EVL: variants seen among roughly 807,000 people sequenced by gnomAD.
EVL encodes ena/VASP-like protein.
Under a neutral mutation model 59.6 loss-of-function variants are expected in EVL, and 21 were observed. The observed-to-expected ratio is 0.35, with a 90% confidence interval of 0.25 to 0.51. The LOEUF is 0.51. Ranked by LOEUF, EVL falls within the 20% of genes least tolerant of loss-of-function variation. EVL has a pLI of 0.97. For missense variants in EVL, 462 were observed against 546.6 expected (o/e 0.85, Z 1.54); for synonymous variants, 198 against 203.5 (o/e 0.97, Z 0.23).
chr14:99,981,966 T>C (rs1428592548), intron 1 of EVL, among the ~76,000 whole-genome samples: 1 of 152,212 alleles, frequency 6.6e-6, no homozygotes, highest in Non-Finnish European at 1.5e-5. Flanking sequence ...TCGCAAGTGC[T>C]GCAGTAAGAG....
At chr14:100,005,978 T>C (rs1254647441) in intron 1 of EVL, among the ~76,000 whole-genome samples, 1 of 147,400 alleles carries the variant, frequency 6.8e-6, no homozygotes, top group African/African-American at 2.5e-5. Context: ...AAAAAATCTT[T>C]CCTTTTTTTT....
chr14:100,138,247 C>T (rs1307259573), intron 11 of EVL: 2 of 216,718 alleles, frequency 9.2e-6, no homozygotes, highest in African/African-American at 4.5e-5. Context: ...TACAGTTCAA[C>T]CAGTCCTAGC....
chr14:100,047,118 C>CTTTTTTTT (rs869205625), intron 1 of EVL, among the ~76,000 whole-genome samples: 5 of 23,910 alleles, frequency 2.1e-4, no homozygotes, highest in African/African-American at 6.8e-4. Context: ...ATCTCTCTCT[C>CTTTTTTTT]TTTTTTTTTT....
chr14:100,016,700 T>C (rs1201938215), intron 1 of EVL, among the ~76,000 whole-genome samples: 5 of 152,212 alleles, frequency 3.3e-5, no homozygotes, highest in East Asian at 3.8e-4. Flanking sequence ...CCCTCACTTA[T>C]GTTTCTGTTT....
intron 1 of EVL, among the ~76,000 whole-genome samples, chr14:100,081,809 G>A (rs1008793212): frequency 2.6e-5 from 4 of 152,182 alleles, no homozygotes; most frequent in Non-Finnish European, 5.9e-5. Flanking sequence ...GCTTCAGAAA[G>A]CCTCCCCAGG....
At chr14:100,036,335 G>C (rs1706026862) in intron 1 of EVL, among the ~76,000 whole-genome samples, 1 of 152,170 alleles carries the variant, frequency 6.6e-6, no homozygotes, top group Non-Finnish European at 1.5e-5. Flanking sequence ...ACTTGAGCTA[G>C]AACTATTATA....
At chr14:100,074,002 C>CGGGGGGGGGG (rs1555420714) in intron 1 of EVL, among the ~76,000 whole-genome samples, 5 of 88,358 alleles carry the variant, frequency 5.7e-5, no homozygotes, top group South Asian at 3.7e-4. Context: ...GAGTCACCCC[C>CGGGGGGGGGG]GGGGGCGGTG....
intron 4 of EVL, among the ~76,000 whole-genome samples, chr14:100,124,406 C>A (rs144445770): frequency 2.0e-5 from 3 of 152,350 alleles, no homozygotes; most frequent in African/African-American, 7.2e-5. Context: ...CTGGCCTTTT[C>A]CTAAGACTGA....
chr14:100,045,354 C>T (rs1005294611), intron 1 of EVL, among the ~76,000 whole-genome samples: 4 of 152,202 alleles, frequency 2.6e-5, no homozygotes, highest in African/African-American at 9.7e-5. Context: ...TGTTATCGCA[C>T]CTGCCACACT....
chr14:100,020,937 C>T (rs1180015782), intron 1 of EVL, among the ~76,000 whole-genome samples: 2 of 152,190 alleles, frequency 1.3e-5, no homozygotes, highest in Non-Finnish European at 2.9e-5. Flanking sequence ...CCTGCCCTTA[C>T]AGAGTGACCA....
At position 100,143,724 on chromosome 14, in the gene EVL, A is replaced by T; in HGVS notation, c.1243A>T (p.Ile415Phe). ...AGCCATCAGGCAGGAGCTGAGTGGG[A>T]TCAGCACCACGTAAGGGGCCGGCCT... ...IDAIRQELSG[I>F]STT The change falls in exon 14 of 14, where the codon ATC (isoleucine) becomes TTC (phenylalanine). Residue 415 changes from isoleucine (I) to phenylalanine (F), a missense_variant. Transcript: ENST00000392920. 1 of 1,612,460 alleles carries T rather than the reference A, an allele frequency of 6.2e-7. No individual in the cohort carries two copies. Among genetic ancestry groups the T allele is most frequent in the East Asian group, 2.2e-5 (1 of 44,872 alleles).
intron 1 of EVL, among the ~76,000 whole-genome samples, chr14:99,993,326 A>G (rs942688452): frequency 2.0e-5 from 3 of 152,022 alleles, no homozygotes; most frequent in Middle Eastern, 3.4e-3. Flanking sequence ...CCAAAGTGCT[A>G]GGATTACAGG....
At chr14:100,020,556 A>G (rs1157755005) in intron 1 of EVL, among the ~76,000 whole-genome samples, 1 of 152,202 alleles carries the variant, frequency 6.6e-6, no homozygotes, top group Non-Finnish European at 1.5e-5. Flanking sequence ...AGAACTGAGC[A>G]TAAATTCCAT....
chr14:100,037,915 A>G (rs1182302126), intron 1 of EVL, among the ~76,000 whole-genome samples: 2 of 152,352 alleles, frequency 1.3e-5, no homozygotes, highest in Admixed American at 6.5e-5. Context: ...CGAGAACTGT[A>G]TTAACAATAT....
intron 1 of EVL, among the ~76,000 whole-genome samples, chr14:100,031,893 A>G (rs900929713): frequency 2.0e-5 from 3 of 152,250 alleles, no homozygotes; most frequent in African/African-American, 4.8e-5. Context: ...TCTGGGTCCC[A>G]TGTGCACAGA....
At chr14:100,099,007 G>A (rs1886006652) in intron 3 of EVL, among the ~76,000 whole-genome samples, 1 of 152,022 alleles carries the variant, frequency 6.6e-6, no homozygotes. Flanking sequence ...GGTGGGAAAT[G>A]AAGAGACATA....
intron 1 of EVL, among the ~76,000 whole-genome samples, chr14:100,055,665 T>G (rs189282735): frequency 1.3e-5 from 2 of 152,332 alleles, no homozygotes; most frequent in African/African-American, 4.8e-5. Context: ...TCTGGTCTGA[T>G]TTTTGTTCCT....
At chr14:100,078,213 GCA>G (rs1468473915) in intron 1 of EVL, among the ~76,000 whole-genome samples, 1 of 152,182 alleles carries the variant, frequency 6.6e-6, no homozygotes, top group Non-Finnish European at 1.5e-5. Context: ...CAGCATGCAC[GCA>G]CACTTTTGCA....
intron 3 of EVL, among the ~76,000 whole-genome samples, chr14:100,121,246 G>A (rs555548741): frequency 1.3e-5 from 2 of 152,296 alleles, no homozygotes; most frequent in South Asian, 2.1e-4. Flanking sequence ...AGCTTCCCAA[G>A]GGCCACCAGC....
Sources: gnomAD v4.1 joint callset for allele counts (sites outside exome capture counted in the v4.1 genomes callset) on GRCh38, gnomAD v4.1.1 for gene constraint, MANE v1.5 for transcripts, NCBI Gene and HGNC (gene_info 2026-07-23, HGNC 2026-07-21) for gene names.